PIEZO1: variants seen among roughly 807,000 people sequenced by gnomAD.
PIEZO1 encodes piezo type mechanosensitive ion channel component 1 (Er blood group).
In PIEZO1, 296 loss-of-function variants were observed where a neutral mutation model predicts 297.2. The observed-to-expected ratio is 1.00, with a 90% CI of 0.91 to 1.10. The LOEUF is 1.10. Ranked by LOEUF, PIEZO1 falls within the 50% of genes least tolerant of loss-of-function variation. The pLI is 0.00. For missense variants in PIEZO1, 5,018 were observed against 3,455.5 expected, an observed-to-expected ratio of 1.45 and a Z score of -11.34; for synonymous variants, 2,427 against 1,507.5, an observed-to-expected ratio of 1.61 and a Z score of -14.13.
At chr16:88,778,987 C>T (rs1907803840) in intron 1 of PIEZO1, among the ~76,000 whole-genome samples, 1 of 150,592 alleles carries the variant, frequency 6.6e-6, no homozygotes, top group African/African-American at 2.4e-5. Context: ...CAGGGGAGGA[C>T]AGAGGTTCAA....
intron 2 of PIEZO1, chr16:88,743,943 G>A (rs959108775): frequency 2.1e-5 from 6 of 289,502 alleles, no homozygotes; most frequent in African/African-American, 4.4e-5. Context: ...CTGCAGCCCC[G>A]ACACGAACAG....
In PIEZO1 at chr16:88,715,389, CTACAG is replaced by C. The variant is rs941879758; in HGVS notation, c.*211_*215del. The C allele has an allele frequency of 7.7e-5, 82 of 1,058,436 alleles. No homozygotes were observed. Among genetic ancestry groups the C allele is most frequent in the Admixed American group, 2.2e-4 (8 of 37,068 alleles). 65.6% of individuals were successfully genotyped at this position (1,058,436 alleles called of 1,614,324 possible). A position where few individuals can be genotyped will look rare whatever the true frequency, so the allele number is the denominator to read the frequency against. ...ACATTTTTTAATTAAAAAAAAAACTCTACAGTACACGTGGGGGACGGCAGCGCCAC... is the reference window on the plus strand; with the variant it reads ...ACATTTTTTAATTAAAAAAAAAACTCTACACGTGGGGGACGGCAGCGCCAC... On this transcript the variant is annotated 3_prime_UTR_variant, in exon 51 of 51. Coordinates refer to ENST00000301015, the MANE Select transcript of PIEZO1 (RefSeq NM_001142864.4).
At chr16:88,719,036 G>C (rs1459097485) in intron 44 of PIEZO1, 1 of 155,970 alleles carries the variant, frequency 6.4e-6, no homozygotes, top group African/African-American at 2.4e-5. Context: ...CATTTGCTGA[G>C]GCAGGGTCTC....
chr16:88,754,094 C>T (rs927969000), intron 1 of PIEZO1, among the ~76,000 whole-genome samples: 1 of 152,198 alleles, frequency 6.6e-6, no homozygotes, highest in Non-Finnish European at 1.5e-5. Context: ...CAACCCCCAA[C>T]CCCCTCGCCT....
chr16:88,736,721 T>C lies in PIEZO1; in HGVS notation c.1214A>G (p.Glu405Gly). 2 of 1,531,306 alleles carry C rather than the reference T, an allele frequency of 1.3e-6. No homozygotes were observed. The highest frequency in any genetic ancestry group is 1.7e-6 in the Non-Finnish European group (2 of 1,144,454). 94.9% of individuals were successfully genotyped at this position (1,531,306 alleles called of 1,614,324 possible). A position where few individuals can be genotyped will look rare whatever the true frequency, so the allele number is the denominator to read the frequency against. Reference protein sequence around the residue: ...LRRPVRPKRAEPREASPLHSL... With the variant: ...LRRPVRPKRAGPREASPLHSL... ...GTGGAGCGGAGACGCCTCCCTGGGC[T>C]CAGCCCGCTTGGGCCGCACTGCAGG... Residue 405 changes from glutamate to glycine, a missense_variant, in exon 11 of 51, where the codon GAG becomes GGG. Glu to Gly is a moderately conservative substitution (Grantham distance 98, BLOSUM62 -2). Transcript: ENST00000301015.
chr16:88,737,973 G>A lies in PIEZO1; in HGVS notation c.981C>T (p.Ala327=), dbSNP rs1049051852. The change falls in exon 8 of 51, where the codon GCC becomes GCT. Residue 327 remains alanine (A), a synonymous_variant. Coordinates refer to ENST00000301015, the MANE Select transcript of PIEZO1 (RefSeq NM_001142864.4). ...GGTACGCGCGGAGCTTGCGCAGAGAGGCCGTGGCGTAGCACAGCAGCAGGA... is the reference window on the plus strand; with the variant it reads ...GGTACGCGCGGAGCTTGCGCAGAGAAGCCGTGGCGTAGCACAGCAGCAGGA... ...GVLLLLCYAT[A]SLRKLRAYRP... 6.5e-6 allele frequency: 10 copies of A among 1,534,094 alleles called. No individual in the cohort carries two copies. Among genetic ancestry groups the A allele is most frequent in the Non-Finnish European group, 8.7e-6 (10 of 1,145,846 alleles).
In PIEZO1 at chr16:88,733,763, T is replaced by G; in HGVS notation, c.2330-18A>C. On this transcript the variant is annotated intron_variant, in intron 17 of 50. Transcript: ENST00000301015. ...GGCTGCCCCTGTGATGGTGTGAGGG[T>G]CAGTGCGGGGCACAAACGGGGATTC... 1 of 1,528,784 alleles carries G rather than the reference T, an allele frequency of 6.5e-7. No homozygotes were observed. The highest frequency in any genetic ancestry group is 8.8e-7 in the Non-Finnish European group (1 of 1,134,978). The allele number at this position is 1,528,784 out of a possible 1,614,324, so 94.7% of individuals were successfully genotyped here.
intron 16 of PIEZO1, 43 bp downstream of exon 16, chr16:88,734,313 G>C: frequency 1.4e-6 from 2 of 1,461,108 alleles, no homozygotes; most frequent in Non-Finnish European, 1.8e-6. Flanking sequence ...TGGCCCAGGA[G>C]GCTACACCTC....
Position 88,738,058 on chromosome 16 carries a change from G to C in PIEZO1, c.896C>G (p.Pro299Arg). The change falls in exon 8 of 51, where the codon CCC becomes CGC. Residue 299 changes from proline to arginine, a missense_variant. By Grantham distance (103) the Pro-to-Arg change is moderately radical. Transcript: ENST00000301015. ...GCCGGTGTTGAGGACCAGCGCGTGG[G>C]GGCTGGAGCAGTTGGTGGGACCCAC... is the stretch of plus-strand genomic sequence containing the variant. ...DFVGPTNCSSPHALVLNTGLD... is the reference protein window; with the variant it reads ...DFVGPTNCSSRHALVLNTGLD... The C allele has an allele frequency of 6.5e-7, 1 of 1,535,848 alleles. No homozygotes were observed. The highest frequency in any genetic ancestry group is 1.2e-5 in the South Asian group (1 of 84,070).
At chr16:88,774,923 T>A (rs951263324) in intron 1 of PIEZO1, among the ~76,000 whole-genome samples, 7 of 151,842 alleles carry the variant, frequency 4.6e-5, no homozygotes, top group Admixed American at 6.6e-5. Flanking sequence ...GAGGAACCAG[T>A]CAAAGGAAGG....
rs534283978 is a variant in PIEZO1, at chr16:88,722,592, G to A, written c.4766C>T (p.Thr1589Ile). The A allele has an allele frequency of 6.4e-4, 975 of 1,535,134 alleles. 1 individual carries two copies. The highest frequency in any genetic ancestry group is 6.7e-4 in the Non-Finnish European group (771 of 1,143,476). ...TCACCCCCGCACCTACCTGGACACG[G>A]TGCTTGGGGCATTGGGGGCCTCGGT... is the stretch of plus-strand genomic sequence containing the variant. ...GPTEAPNAPS[T>I]VSSGLGAEEP... is the part of the protein sequence containing the mutation. The change falls in exon 35 of 51, where the codon ACC (threonine) becomes ATC (isoleucine). Residue 1589 changes from threonine (T) to isoleucine (I), a missense_variant. Coordinates refer to ENST00000301015, the MANE Select transcript of PIEZO1 (RefSeq NM_001142864.4).
rs1905125472 is a variant in PIEZO1 at position 88,735,178 on chromosome 16, T to C, written c.1626A>G (p.Ala542=). 2.6e-6 allele frequency: 4 copies of C among 1,550,256 alleles called. No individual in the cohort carries two copies. Among genetic ancestry groups the C allele is most frequent in the Admixed American group, 2.0e-5 (1 of 50,990 alleles). Residue 542 remains alanine (A), a synonymous_variant, in exon 13 of 51, where the codon GCA becomes GCG. Coordinates refer to ENST00000301015, the MANE Select transcript of PIEZO1 (RefSeq NM_001142864.4). ...QFVKEKLLKW[A]ESPAALTEVT... is the part of the protein sequence containing the mutation. ...CCTCCGTCAGCGCAGCTGGAGACTC[T>C]GCCCACTTCAGCAGCTTCTCTTTCA...
intron 1 of PIEZO1, among the ~76,000 whole-genome samples, chr16:88,763,594 C>A (rs537041482): frequency 6.6e-6 from 1 of 152,284 alleles, no homozygotes; most frequent in East Asian, 1.9e-4. Context: ...CAGGGTCTGG[C>A]GTGATACAAA....
chr16:88,743,771 G>A (rs991788782), intron 2 of PIEZO1: 10 of 403,976 alleles, frequency 2.5e-5, no homozygotes, highest in Non-Finnish European at 4.0e-5. Flanking sequence ...CCAGGCAGCC[G>A]AGGCAGGTTT....
At chr16:88,768,148 G>A (rs540951625) in intron 1 of PIEZO1, among the ~76,000 whole-genome samples, 1 of 152,324 alleles carries the variant, frequency 6.6e-6, no homozygotes, top group African/African-American at 2.4e-5. Context: ...CAACCTCACG[G>A]GCCCAACCTC....
At chr16:88,730,741 G>A (rs1311625415) in intron 22 of PIEZO1, among the ~76,000 whole-genome samples, 1 of 152,228 alleles carries the variant, frequency 6.6e-6, no homozygotes, top group Non-Finnish European at 1.5e-5. Context: ...CAAATACGGG[G>A]AGATGATGTA....
intron 12 of PIEZO1, 124 bp downstream of exon 12, chr16:88,736,024 G>A: frequency 1.0e-6 from 1 of 976,000 alleles, no homozygotes; most frequent in Non-Finnish European, 1.5e-6. Context: ...GGCAGAAGGG[G>A]ACAGACAGAC....
At chr16:88,720,308 G>C (rs746531393) in intron 41 of PIEZO1, 25 bp from the exon 42 acceptor site, 1 of 1,550,060 alleles carries the variant, frequency 6.5e-7, no homozygotes, top group African/African-American at 1.4e-5. Context: ...GCACAGGTCA[G>C]GGGGAGCCAA....
Position 88,732,419 on chromosome 16 carries a change from G to A in PIEZO1, c.2907C>T (p.Ser969=), listed in dbSNP as rs754595848. ...CCTGGTCCAGCTGCTGGCGGGTGCC[G>A]CTGGCAAACACGGCCTGGGCAGGCA... ...APLPAQAVFA[S]GTRQQLDQDL... Residue 969 remains serine (S), a synonymous_variant, in exon 21 of 51, where the codon AGC becomes AGT. Coordinates refer to ENST00000301015, the MANE Select transcript of PIEZO1 (RefSeq NM_001142864.4). The A allele has an allele frequency of 1.1e-4, 173 of 1,549,612 alleles. 1 individual carries two copies. Among genetic ancestry groups the A allele is most frequent in the African/African-American group, 6.7e-4 (49 of 73,030 alleles).
Sources: gnomAD v4.1 joint callset for allele counts (sites outside exome capture counted in the v4.1 genomes callset) on GRCh38, gnomAD v4.1.1 for gene constraint, MANE v1.5 for transcripts, NCBI Gene and HGNC (gene_info 2026-07-23, HGNC 2026-07-21) for gene names.